The following MDN1 variants were observed in gnomAD, a reference collection of about 807,000 sequenced individuals.
The protein encoded by MDN1 is midasin.
MDN1 carries 266 observed loss-of-function variants against 669.2 expected under a neutral mutation model. The ratio of observed to expected loss-of-function variants is 0.40; its 90% CI spans 0.36 to 0.44. MDN1 has a LOEUF of 0.44. Among genes scored for constraint, MDN1 ranks in the 20% least tolerant of loss-of-function variants. MDN1 has a pLI of 1.00. For synonymous variants in MDN1, 2,385 were observed against 2,457.1 expected, an observed-to-expected ratio of 0.97 and a Z score of 0.87; for missense variants, 5,940 against 6,754.0, an observed-to-expected ratio of 0.88 and a Z score of 4.22.
intron 56 of MDN1, 21 bp from the exon 57 acceptor site, chr6:89,700,315 T>G (rs759456656): frequency 3.1e-5 from 49 of 1,573,394 alleles, no homozygotes; most frequent in Non-Finnish European, 4.3e-5. Flanking sequence ...AGACAAATGT[T>G]GTATGAGAGC....
chr6:89,770,862 T>G (rs984420846), intron 15 of MDN1, among the ~76,000 whole-genome samples: 3 of 152,174 alleles, frequency 2.0e-5, no homozygotes, highest in African/African-American at 7.2e-5. Context: ...ATTATATACT[T>G]GCCTGCTTTT....
chr6:89,805,331 G>T (rs1468986185), intron 1 of MDN1, among the ~76,000 whole-genome samples: 1 of 151,980 alleles, frequency 6.6e-6, no homozygotes, highest in Non-Finnish European at 1.5e-5. Context: ...CCCTTAAGCC[G>T]ACGAGTTCAA....
chr6:89,712,291 G>A (rs766071886), intron 48 of MDN1, 35 bp from the exon 49 acceptor site: 55 of 1,524,458 alleles, frequency 3.6e-5, no homozygotes, highest in Middle Eastern at 1.9e-4. Context: ...CTCAGTACTA[G>A]AATAACCTTT....
In MDN1 at chr6:89,662,091, T is replaced by A. The variant is rs1161861512; in HGVS notation, c.14561A>T (p.Asp4854Val). 6.2e-7 allele frequency: 1 copy of A among 1,611,334 alleles called. No individual in the cohort carries two copies. Among genetic ancestry groups the A allele is most frequent in the Non-Finnish European group, 8.5e-7 (1 of 1,179,282 alleles). The change falls in exon 87 of 102, where the codon GAT becomes GTT. Residue 4854 changes from aspartate to valine, a missense_variant. Physicochemically the swap from Asp to Val is radical, Grantham distance 152. This residue lies in a region of MDN1 where 2,280 missense variants were observed against 2,576.3 expected (regional missense o/e 0.88). Coordinates refer to ENST00000369393, the MANE Select transcript of MDN1 (RefSeq NM_014611.3). ...TCAGTTTCAAATCTTCATTACCTCATCTATTTGTTCATTAATTTTGTCTTC... is the reference window on the plus strand; with the variant it reads ...TCAGTTTCAAATCTTCATTACCTCAACTATTTGTTCATTAATTTTGTCTTC... ...QGEDKINEQI[D>V]ERDYDENEVD...
At chr6:89,648,168 A>G (rs939989506) in intron 98 of MDN1, 22 bp from the exon 99 acceptor site, 2 of 1,608,380 alleles carry the variant, frequency 1.2e-6, no homozygotes, top group African/African-American at 1.3e-5. Context: ...AAAACCAAAT[A>G]CAACAGGAGT....
rs749297321 is a variant in MDN1, at chr6:89,693,154, G to A, written c.9882-6C>T. 54 of 1,562,626 alleles carry A rather than the reference G, an allele frequency of 3.5e-5. No homozygotes were observed. The highest frequency in any genetic ancestry group is 7.7e-5 in the Admixed American group (4 of 52,106). The stretch of plus-strand genomic sequence containing the variant: ...CCATCCTTTGGCGAAGCAGCCTAAC[G>A]GGAAATTAACACAATATGCCAATTA... On this transcript the variant is annotated splice_polypyrimidine_tract_variant and splice_region_variant and intron_variant, in intron 62 of 101. Coordinates refer to ENST00000369393, the MANE Select transcript of MDN1 (RefSeq NM_014611.3).
Position 89,690,101 on chromosome 6 carries a change from T to G in MDN1, c.10792A>C (p.Lys3598Gln). 6.2e-7 allele frequency: 1 copy of G among 1,614,232 alleles called. No individual in the cohort carries two copies. Among genetic ancestry groups the G allele is most frequent in the Non-Finnish European group, 8.5e-7 (1 of 1,180,044 alleles). Residue 3598 changes from lysine (K) to glutamine (Q), a missense_variant, in exon 65 of 102, where the codon AAA (lysine) becomes CAA (glutamine). Physicochemically the swap from Lys to Gln is moderately conservative, Grantham distance 53. This residue lies in a region of MDN1 where 2,280 missense variants were observed against 2,576.3 expected (regional missense o/e 0.88). Transcript: ENST00000369393. The stretch of plus-strand genomic sequence containing the variant: ...TCTTCTTGCCCATCTGAAGTTCCTT[T>G]GTTCTCCTCCAACGTTGGCTGCACC... ...ILVQPTLEEN[K>Q]GTSDGQEEEA...
intron 5 of MDN1, among the ~76,000 whole-genome samples, chr6:89,793,011 C>A (rs1028697424): frequency 6.6e-6 from 1 of 152,090 alleles, no homozygotes; most frequent in South Asian, 2.1e-4. Flanking sequence ...GACCATCAGA[C>A]AAAGTGACAA....
At chr6:89,687,321 G>C in intron 68 of MDN1, 23 bp downstream of exon 68, 1 of 1,602,224 alleles carries the variant, frequency 6.2e-7, no homozygotes, top group South Asian at 1.1e-5. Flanking sequence ...CTAAGTTTAG[G>C]AGAGGGAAGG....
At chr6:89,726,088 T>C (rs755282380) in intron 37 of MDN1, among the ~76,000 whole-genome samples, 7 of 152,198 alleles carry the variant, frequency 4.6e-5, no homozygotes, top group Non-Finnish European at 8.8e-5. Flanking sequence ...TATATTAACC[T>C]GCTCTGTAAG....
chr6:89,742,078 G>A (rs1356989242), intron 31 of MDN1, among the ~76,000 whole-genome samples: 1 of 151,968 alleles, frequency 6.6e-6, no homozygotes, highest in Non-Finnish European at 1.5e-5. Context: ...TCCAGCCTGG[G>A]TGACAGAAGT....
chr6:89,671,930 T>C (rs1382316588), intron 82 of MDN1, among the ~76,000 whole-genome samples: 2 of 152,226 alleles, frequency 1.3e-5, no homozygotes, highest in Non-Finnish European at 1.5e-5. Flanking sequence ...CTTGGGAGTA[T>C]GTGAATAAGA....
rs1232079945 is a variant in MDN1 at position 89,739,926 on chromosome 6, CAAT to C, written c.4593+305_4593+307del. Among the ~76,000 whole-genome samples, 7 of 152,148 alleles carry C rather than the reference CAAT, an allele frequency of 4.6e-5. No homozygotes were observed. In the South Asian group the frequency reaches 6.2e-4, roughly 13 times the overall value. On this transcript the variant is annotated intron_variant, in intron 32 of 101. Transcript: ENST00000369393. ...CCAACTTTTCTCATCCATAAAACTA[CAAT>C]AATAACTTTCTTGCAGAGCTCCTGT...
chr6:89,777,459 G>T (rs564120663), intron 11 of MDN1, among the ~76,000 whole-genome samples: 1 of 152,286 alleles, frequency 6.6e-6, no homozygotes, highest in Non-Finnish European at 1.5e-5. Context: ...GTTTAACTTG[G>T]AAGCAAGGAT....
Position 89,745,152 on chromosome 6 carries a change from A to G in MDN1, c.4178+121T>C, listed in dbSNP as rs1189293124. 7.9e-6 allele frequency: 8 copies of G among 1,018,412 alleles called. No homozygotes were observed. In the African/African-American group the frequency reaches 1.2e-4, roughly 15 times the overall value. The allele number at this position is 1,018,412 out of a possible 1,614,324, so 63.1% of individuals were successfully genotyped here. On this transcript the variant is annotated intron_variant, in intron 29 of 101. Coordinates refer to ENST00000369393, the MANE Select transcript of MDN1 (RefSeq NM_014611.3). Reference sequence around the variant, plus strand: ...CTCTTCTTAAAAAAAAAAAAAAAAAAGAAAAAAGAGGAAGGAGGAAAGAAG... The same window carrying G: ...CTCTTCTTAAAAAAAAAAAAAAAAAGGAAAAAAGAGGAAGGAGGAAAGAAG...
chr6:89,647,813 C>T (rs111520921), intron 99 of MDN1, among the ~76,000 whole-genome samples: 98 of 152,222 alleles, frequency 6.4e-4, no homozygotes, highest in African/African-American at 2.0e-3. Flanking sequence ...ATTAGCCAGA[C>T]ATGGTAGCAT....
chr6:89,740,617 T>C lies in MDN1; in HGVS notation c.4449-239A>G, dbSNP rs901812269. On this transcript the variant is annotated intron_variant, in intron 31 of 101. Transcript: ENST00000369393. The stretch of plus-strand genomic sequence containing the variant: ...CTTATAAACTATTAAGGCATTGGTC[T>C]TAAAAATGAATAACTTACAAGAAAA... 2.0e-5 allele frequency among the ~76,000 whole-genome samples: 3 copies of C among 152,190 alleles called. No individual in the cohort carries two copies. The East Asian group carries it at 5.8e-4, about 29-fold the overall frequency.
At position 89,819,771 on chromosome 6, in the gene MDN1, G is replaced by A. The variant is rs950209602; in HGVS notation, c.-164C>T. ...CGGGAGAGGGGCACCACACGTGGGT[G>A]AGCACACGGCGTTTGACGTCATCAG... On this transcript the variant is annotated 5_prime_UTR_variant, in exon 1 of 102. Coordinates refer to ENST00000369393, the MANE Select transcript of MDN1 (RefSeq NM_014611.3). 3 of 617,746 alleles carry A rather than the reference G, an allele frequency of 4.9e-6. No individual in the cohort carries two copies. Among genetic ancestry groups the A allele is most frequent in the Non-Finnish European group, 8.6e-6 (3 of 347,564 alleles). The allele number at this position is 617,746 out of a possible 1,614,324, so 38.3% of individuals were successfully genotyped here. A position where few individuals can be genotyped will look rare whatever the true frequency, so the allele number is the denominator to read the frequency against.
At position 89,781,490 on chromosome 6, in the gene MDN1, A is replaced by T. The variant is rs367626722; in HGVS notation, c.1552T>A (p.Ser518Thr). Residue 518 changes from serine to threonine, a missense_variant, in exon 10 of 102, where the codon TCT (serine) becomes ACT (threonine). Ser to Thr is a moderately conservative substitution (Grantham distance 58). Transcript: ENST00000369393. ...TCAGGTGCCTGTTCACATCCAACAG[A>T]ACTATCACTCCAAGAGTGATGTTTC... Reference protein sequence around the residue: ...GEKHHSWSDSSVGCEQAPEEV... With the variant: ...GEKHHSWSDSTVGCEQAPEEV... 3.4e-5 allele frequency: 55 copies of T among 1,614,064 alleles called. No individual in the cohort carries two copies. The highest frequency in any genetic ancestry group is 4.7e-5 in the Non-Finnish European group (55 of 1,180,006).
Sources: allele counts gnomAD v4.1 joint callset (sites outside exome capture counted in the v4.1 genomes callset), GRCh38; gene constraint gnomAD v4.1.1; regional missense constraint gnomAD v4.1.1; transcripts MANE v1.5; gene names NCBI Gene and HGNC (gene_info 2026-07-23, HGNC 2026-07-21).